TMEM184B: variants seen among roughly 807,000 people sequenced by gnomAD.
TMEM184B encodes putative MAPK-activating protein FM08.
Under a neutral mutation model 41.8 loss-of-function variants are expected in TMEM184B, and 17 were observed. The observed-to-expected ratio is 0.41, with a 90% CI of 0.28 to 0.61. TMEM184B has a LOEUF of 0.61. TMEM184B is among the 20% of genes least tolerant of loss of function. TMEM184B has a pLI of 0.34. For missense variants in TMEM184B, 393 were observed against 557.8 expected (o/e 0.70, Z 2.98); for synonymous variants, 240 against 229.5 (o/e 1.05, Z -0.41).
intron 1 of TMEM184B, among the ~76,000 whole-genome samples, chr22:38,252,391 A>G (rs2092186419): frequency 6.6e-6 from 1 of 152,174 alleles, no homozygotes; most frequent in Non-Finnish European, 1.5e-5. Flanking sequence ...CCAAGTGTTA[A>G]ACTTCTGCCA....
At chr22:38,249,000 T>C (rs920625117) in intron 1 of TMEM184B, among the ~76,000 whole-genome samples, 1 of 152,128 alleles carries the variant, frequency 6.6e-6, no homozygotes, top group Admixed American at 6.5e-5. Flanking sequence ...CCACCCCTCC[T>C]GAAAGCCTGC....
chr22:38,235,725 A>G (rs1036881581), intron 3 of TMEM184B, among the ~76,000 whole-genome samples: 2 of 152,244 alleles, frequency 1.3e-5, no homozygotes, highest in Non-Finnish European at 2.9e-5. Context: ...TCCCTCCTGG[A>G]AAGTACAGAG....
At chr22:38,240,161 G>A (rs2091871837) in intron 3 of TMEM184B, among the ~76,000 whole-genome samples, 1 of 151,942 alleles carries the variant, frequency 6.6e-6, no homozygotes. Context: ...CTAACAAGAA[G>A]GTCAAAGACC....
downstream of TMEM184B, among the ~76,000 whole-genome samples, chr22:38,218,699 CA>C (rs1159188220): frequency 2.0e-5 from 3 of 152,202 alleles, no homozygotes; most frequent in Non-Finnish European, 4.4e-5. Flanking sequence ...ATGCTGAGCT[CA>C]GGCCTGCGGG....
At chr22:38,272,815 C>G (rs9607524) in intron 1 of TMEM184B, 69 bp downstream of exon 1, 37,669 of 981,608 alleles carry the variant, frequency 0.038, 1,006 homozygotes, top group East Asian at 0.19. Flanking sequence ...CCGAAACAAG[C>G]AGCCCCCCGC....
intron 5 of TMEM184B, among the ~76,000 whole-genome samples, 154 bp from the exon 6 acceptor site, chr22:38,227,024 G>T (rs1169704810): frequency 6.6e-6 from 1 of 151,988 alleles, no homozygotes; most frequent in African/African-American, 2.4e-5. Context: ...AGGGGATGGA[G>T]GGACGAAGGG....
At position 38,246,099 on chromosome 22, in the gene TMEM184B, ATC is replaced by A. The variant is rs765404529; in HGVS notation, c.193-1_193del. ...GCTGTAGCAGCGCAGGTGCATGTAG[ATC>A]TGGGGGCAGAGGTGTGGGGTCAGCT... On this transcript the variant is annotated splice_acceptor_variant and coding_sequence_variant, in exon 3 of 9. Transcript: ENST00000361906. LOFTEE classifies it high-confidence loss of function. 6.2e-7 allele frequency: 1 copy of A among 1,609,228 alleles called. No individual in the cohort carries two copies. The highest frequency in any genetic ancestry group is 1.1e-5 in the South Asian group (1 of 91,064).
chr22:38,234,024 C>A, intron 3 of TMEM184B, among the ~76,000 whole-genome samples: 1 of 118,172 alleles, frequency 8.5e-6, no homozygotes, highest in East Asian at 2.4e-4. Context: ...CCACCTCGGC[C>A]TCCCAAAGTG....
chr22:38,253,875 G>A (rs1410382887), intron 1 of TMEM184B, among the ~76,000 whole-genome samples: 2 of 152,188 alleles, frequency 1.3e-5, no homozygotes, highest in African/African-American at 4.8e-5. Flanking sequence ...TCTGGTAAAT[G>A]ACTAGCATTG....
At position 38,246,077 on chromosome 22, in the gene TMEM184B, G is replaced by A; in HGVS notation, c.216C>T (p.Tyr72=). 6.2e-7 allele frequency: 1 copy of A among 1,612,016 alleles called. No individual in the cohort carries two copies. Among genetic ancestry groups the A allele is most frequent in the Non-Finnish European group, 8.5e-7 (1 of 1,179,982 alleles). Residue 72 remains tyrosine (Y), a synonymous_variant, in exon 3 of 9, where the codon TAC becomes TAT. Coordinates refer to ENST00000361906, the MANE Select transcript of TMEM184B (RefSeq NM_012264.5). ...CHQIYMHLRC[Y]SCPNEQRYIV... ...TGTAGCGCTGCTCGTTGGGGCAGCT[G>A]TAGCAGCGCAGGTGCATGTAGATCT...
intron 5 of TMEM184B, 149 bp from the exon 6 acceptor site, chr22:38,227,019 A>T: frequency 1.5e-6 from 1 of 656,908 alleles, no homozygotes; most frequent in Non-Finnish European, 2.5e-6. Flanking sequence ...GACGGAGGGG[A>T]TGGAGGGACG....
intron 3 of TMEM184B, among the ~76,000 whole-genome samples, chr22:38,244,665 A>G (rs1013276297): frequency 6.6e-6 from 1 of 152,206 alleles, no homozygotes; most frequent in African/African-American, 2.4e-5. Flanking sequence ...CATGTTGGTC[A>G]GGCTGGTCTC....
intron 5 of TMEM184B, among the ~76,000 whole-genome samples, chr22:38,230,460 C>A (rs1014883208): frequency 6.6e-6 from 1 of 152,242 alleles, no homozygotes; most frequent in Admixed American, 6.5e-5. Flanking sequence ...CACAGTGCAA[C>A]AGACACTCCC....
chr22:38,224,079 A>C (rs532066054), intron 8 of TMEM184B: 1 of 152,142 alleles, frequency 6.6e-6, no homozygotes, highest in African/African-American at 2.4e-5. Context: ...AAAACCTATT[A>C]CCATCCGAGT....
rs1234272072 is a variant in TMEM184B, at chr22:38,272,590, G to GC, written c.-59+293dup. On this transcript the variant is annotated intron_variant, in intron 1 of 8. Coordinates refer to ENST00000361906, the MANE Select transcript of TMEM184B (RefSeq NM_012264.5). ...CCATCCGCCTCCCTCTCCCGGGGCC[G>GC]CCCCCCGGACAGGTCCGATTACACT... is the stretch of plus-strand genomic sequence containing the variant. 9.1e-6 allele frequency: 9 copies of GC among 985,532 alleles called. No individual in the cohort carries two copies. The East Asian group carries it at 3.4e-4, about 37-fold the overall frequency. 61.0% of individuals were successfully genotyped at this position (985,532 alleles called of 1,614,324 possible).
chr22:38,225,196 G>T lies in TMEM184B; in HGVS notation c.788-217C>A, dbSNP rs771067002. On this transcript the variant is annotated intron_variant, in intron 7 of 8. Transcript: ENST00000361906. The surrounding 1 kb of genome is among the most constrained non-coding windows in gnomAD (Gnocchi z 4.4). ...CCGAAACTGAGATGCCAGCAATTAC[G>T]CAGGGTCTCCTGGGCCCTCTCATCC... 2.0e-5 allele frequency among the ~76,000 whole-genome samples: 3 copies of T among 152,090 alleles called. No homozygotes were observed. Among genetic ancestry groups the T allele is most frequent in the South Asian group, 2.1e-4 (1 of 4,804 alleles).
intron 2 of TMEM184B, chr22:38,246,765 A>G (rs1013842936): frequency 8.3e-7 from 1 of 1,204,278 alleles, no homozygotes; most frequent in Admixed American, 3.8e-5. Flanking sequence ...AAGCAGAGGA[A>G]AAAAGTAAAA....
intron 3 of TMEM184B, 25 bp downstream of exon 3, chr22:38,245,910 C>CCCAA: frequency 1.9e-6 from 3 of 1,568,120 alleles, no homozygotes; most frequent in Non-Finnish European, 2.6e-6. Context: ...CCCGCCAGCC[C>CCCAA]TCCCCACTCC....
intron 2 of TMEM184B, chr22:38,247,023 C>T (rs925827782): frequency 2.4e-6 from 1 of 414,574 alleles, no homozygotes. Flanking sequence ...TCACCCTGCC[C>T]CTCTCCACTG....
Sources: gnomAD v4.1 joint callset for allele counts (sites outside exome capture counted in the v4.1 genomes callset) on GRCh38, gnomAD v4.1.1 for gene constraint, Gnocchi (gnomAD v3.1) non-coding constraint, MANE v1.5 for transcripts, NCBI Gene and HGNC (gene_info 2026-07-23, HGNC 2026-07-21) for gene names.